UBXN11: variants seen among roughly 807,000 people sequenced by gnomAD.
The protein encoded by UBXN11 is UBX domain protein 11, also known as UBX domain-containing protein 11.
A neutral mutation model predicts 62.8 loss-of-function variants in UBXN11; 47 were observed. The ratio of observed to expected loss-of-function variants is 0.75; its 90% CI spans 0.59 to 0.95. The LOEUF (loss-of-function observed/expected upper bound fraction) is 0.95, where lower values mean the gene tolerates loss of function less well. UBXN11 is among the 40% of genes least tolerant of loss of function. The probability of loss-of-function intolerance (pLI) is 0.00; values close to 1 mark genes in which losing one functional copy is unlikely to be tolerated. For missense variants in UBXN11, 638 were observed against 661.7 expected (o/e 0.96, Z 0.39); for synonymous variants, 294 against 267.0 (o/e 1.10, Z -0.99).
intron 1 of UBXN11, chr1:26,303,177 TGG>T (rs2073580700): frequency 3.5e-6 from 1 of 289,164 alleles, no homozygotes; most frequent in South Asian, 1.3e-4. Flanking sequence ...ACTGTGAGGG[TGG>T]GATGGGATGC....
rs370037166 is a variant in UBXN11 at position 26,301,660 on chromosome 1, A to G, written c.100+34T>C. ...ACTGTAGGAGGTGCAAGCACATGAGAGGCGAAGAGGGCACGAGGGCGGGGC... is the reference window on the plus strand; with the variant it reads ...ACTGTAGGAGGTGCAAGCACATGAGGGGCGAAGAGGGCACGAGGGCGGGGC... On this transcript the variant is annotated intron_variant, in intron 3 of 14. Transcript: ENST00000374222. The G allele has an allele frequency of 5.0e-5, 81 of 1,612,056 alleles. No individual in the cohort carries two copies. In the African/African-American group the frequency reaches 1.0e-3, roughly 20 times the overall value.
chr1:26,282,600 G>T (rs1416971072), intron 14 of UBXN11, 31 bp from the exon 15 acceptor site: 1 of 1,612,006 alleles, frequency 6.2e-7, no homozygotes, highest in Middle Eastern at 1.7e-4. Flanking sequence ...ATCAGGCTGG[G>T]CAGTGGGACC....
At position 26,318,242 on chromosome 1, in the gene UBXN11, A is replaced by G. The variant is rs539524481; in HGVS notation, c.-344T>C. ...AGCGGGCCTGGCCGCCCAGCCTTCC[A>G]GCTCTTCTGGCTGGGGCTGCACTGC... On this transcript the variant is annotated 5_prime_UTR_variant, in exon 1 of 15. Transcript: ENST00000374217. The G allele has an allele frequency of 9.6e-6, 6 of 622,302 alleles. No individual in the cohort carries two copies. The African/African-American group carries it at 1.1e-4, about 11-fold the overall frequency. The allele number at this position is 622,302 out of a possible 1,614,324, so 38.5% of individuals were successfully genotyped here.
In UBXN11 at chr1:26,285,920, C is replaced by G. The variant is rs539223344; in HGVS notation, c.677G>C (p.Arg226Pro). 1.2e-6 allele frequency: 2 copies of G among 1,613,658 alleles called. No homozygotes were observed. Among genetic ancestry groups the G allele is most frequent in the Non-Finnish European group, 1.7e-6 (2 of 1,179,646 alleles). ...TQVTPVPGGA[R>P]LRTLEPIPLK... is the part of the protein sequence containing the mutation. ...CGGGATGGGCTCGAGGGTACGCAGC[C>G]GTGCCCCGCCGGGCACTGGTGTCAC... Residue 226 changes from arginine (R) to proline (P), a missense_variant, in exon 9 of 15, where the codon CGG (arginine) becomes CCG (proline). Transcript: ENST00000374222.
At chr1:26,311,568 G>A (rs1020113506), upstream of UBXN11, among the ~76,000 whole-genome samples, 4 of 151,334 alleles carry the variant, frequency 2.6e-5, no homozygotes, top group Non-Finnish European at 5.9e-5. Flanking sequence ...TCAGCCTCCC[G>A]AGTAGCTAAG....
chr1:26,282,607 G>A, intron 14 of UBXN11, 38 bp from the exon 15 acceptor site: 1 of 1,612,652 alleles, frequency 6.2e-7, no homozygotes, highest in South Asian at 1.1e-5. Context: ...TGGGCAGTGG[G>A]ACCAGAGCCC....
intron 9 of UBXN11, 134 bp downstream of exon 9, chr1:26,285,689 C>T: frequency 7.3e-7 from 1 of 1,377,474 alleles, no homozygotes. Context: ...GGAGAGGGGC[C>T]TCTGCAAGTC....
At chr1:26,311,590 G>C (rs1376681016), upstream of UBXN11, among the ~76,000 whole-genome samples, 1 of 149,336 alleles carries the variant, frequency 6.7e-6, no homozygotes, top group Non-Finnish European at 1.5e-5. Context: ...TTACAGGCAC[G>C]TGCCACCATG....
upstream of UBXN11, among the ~76,000 whole-genome samples, chr1:26,309,589 T>A (rs992070253): frequency 6.6e-6 from 1 of 152,166 alleles, no homozygotes; most frequent in African/African-American, 2.4e-5. Context: ...CAGAGCCTTA[T>A]TATAAAAATA....
chr1:26,308,533 A>G (rs1237710513), upstream of UBXN11, among the ~76,000 whole-genome samples: 2 of 152,190 alleles, frequency 1.3e-5, no homozygotes. Context: ...GAGTGGACAT[A>G]GGAAGAGCTC....
intron 8 of UBXN11, among the ~76,000 whole-genome samples, chr1:26,286,621 T>G (rs546588391): frequency 1.4e-4 from 21 of 152,358 alleles, no homozygotes; most frequent in African/African-American, 4.3e-4. Context: ...ACACGCACCC[T>G]GTCCATGTTT....
chr1:26,289,443 C>CG (rs2073207359), intron 8 of UBXN11, among the ~76,000 whole-genome samples: 1 of 151,964 alleles, frequency 6.6e-6, no homozygotes, highest in Non-Finnish European at 1.5e-5. Context: ...CGTCACAGGC[C>CG]GCTGCTTTCT....
chr1:26,286,538 G>A (rs2073138152), intron 8 of UBXN11, among the ~76,000 whole-genome samples: 1 of 152,166 alleles, frequency 6.6e-6, no homozygotes, highest in Non-Finnish European at 1.5e-5. Flanking sequence ...TTCTAGAATG[G>A]ATGACAGTAG....
chr1:26,283,177 C>G lies in UBXN11; in HGVS notation c.1078-240G>C, dbSNP rs1557678635. On this transcript the variant is annotated intron_variant, in intron 12 of 14. Transcript: ENST00000374222. ...TTTCAGTCTAATGGAGACAGAACCC[C>G]ACACAGACGATGATCAGGCTGGAAG... Among the ~76,000 whole-genome samples the G allele has an allele frequency of 1.3e-5, 2 of 152,120 alleles. 1 individual carries two copies. Among genetic ancestry groups the G allele is most frequent in the South Asian group, 4.1e-4 (2 of 4,822 alleles).
chr1:26,314,612 A>C (rs1192116231), intron 1 of UBXN11, among the ~76,000 whole-genome samples: 2 of 152,332 alleles, frequency 1.3e-5, no homozygotes, highest in Non-Finnish European at 2.9e-5. Context: ...GGAGGTGGGA[A>C]TAGATCTAGA....
At chr1:26,303,002 G>A in intron 1 of UBXN11, 84 bp from the exon 2 acceptor site, 3 of 893,652 alleles carry the variant, frequency 3.4e-6, no homozygotes, top group Middle Eastern at 3.3e-4. Flanking sequence ...CACTTCCCTG[G>A]CTACTCTTCC....
At chr1:26,315,391 C>T (rs1036591616) in intron 1 of UBXN11, among the ~76,000 whole-genome samples, 2 of 152,200 alleles carry the variant, frequency 1.3e-5, no homozygotes, top group Non-Finnish European at 2.9e-5. Flanking sequence ...GACTTCAACA[C>T]GGGTATCCTG....
intron 8 of UBXN11, among the ~76,000 whole-genome samples, chr1:26,293,969 A>G (rs2073334292): frequency 6.6e-6 from 1 of 152,144 alleles, no homozygotes; most frequent in African/African-American, 2.4e-5. Flanking sequence ...TCTCTGACAG[A>G]TGAGCAAGAG....
intron 4 of UBXN11, among the ~76,000 whole-genome samples, chr1:26,299,312 G>A (rs910463446): frequency 6.6e-6 from 1 of 151,946 alleles, no homozygotes; most frequent in Non-Finnish European, 1.5e-5. Flanking sequence ...AGGAGTTCGA[G>A]ACCAGCCTGA....
Sources: gnomAD v4.1 joint callset for allele counts (sites outside exome capture counted in the v4.1 genomes callset) on GRCh38, gnomAD v4.1.1 for gene constraint, MANE v1.5 for transcripts, NCBI Gene and HGNC (gene_info 2026-07-23, HGNC 2026-07-21) for gene names.